Variants in SUGCT observed in about 807,000 individuals in gnomAD.
SUGCT encodes succinyl-CoA:glutarate CoA-transferase.
A neutral mutation model predicts 55.0 loss-of-function variants in SUGCT; 41 were observed. The observed-to-expected ratio is 0.74, with a 90% CI of 0.58 to 0.97. The LOEUF (loss-of-function observed/expected upper bound fraction) is 0.97. Among genes scored for constraint, SUGCT ranks in the 50% least tolerant of loss-of-function variants. SUGCT has a pLI of 0.00. For synonymous variants in SUGCT, 187 were observed against 200.4 expected, an observed-to-expected ratio of 0.93 and a Z score of 0.56; for missense variants, 568 against 547.8, an observed-to-expected ratio of 1.04 and a Z score of -0.37.
intron 12 of SUGCT, among the ~76,000 whole-genome samples, chr7:40,675,886 C>G (rs1293751549): frequency 6.6e-6 from 1 of 152,114 alleles, no homozygotes; most frequent in Non-Finnish European, 1.5e-5. Context: ...ATTCTTTGAA[C>G]AACAGTGGAG....
chr7:40,381,580 T>C lies in SUGCT; in HGVS notation c.816+64725T>C, dbSNP rs145546985. ...ACTATAAAATTCAGTAACTTCCTAATTGTAGTGAAAAGAGTTTTTCCTTGT... is the reference window on the plus strand; with the variant it reads ...ACTATAAAATTCAGTAACTTCCTAACTGTAGTGAAAAGAGTTTTTCCTTGT... On this transcript the variant is annotated intron_variant, in intron 9 of 13. Coordinates refer to ENST00000335693, the MANE Select transcript of SUGCT (RefSeq NM_001193313.2). 4.0e-3 allele frequency among the ~76,000 whole-genome samples: 613 copies of C among 152,306 alleles called. 2 individuals are homozygous for C. Among genetic ancestry groups the C allele is most frequent in the African/African-American group, 0.014 (588 of 41,582 alleles).
At chr7:40,237,855 T>C in intron 7 of SUGCT, 129 bp downstream of exon 7, 2 of 660,826 alleles carry the variant, frequency 3.0e-6, no homozygotes, top group South Asian at 2.4e-5. Context: ...GTTTTTGCCA[T>C]TGAAATTAAT....
chr7:40,295,471 G>A (rs967770625), intron 8 of SUGCT, among the ~76,000 whole-genome samples: 16 of 152,294 alleles, frequency 1.1e-4, no homozygotes, highest in African/African-American at 3.8e-4. Flanking sequence ...AGCTACTGGG[G>A]TAGCTGAGGC....
chr7:40,952,158 T>G, the SUGCT span, among the ~76,000 whole-genome samples: 1 of 152,178 alleles, frequency 6.6e-6, no homozygotes, highest in African/African-American at 2.4e-5. Flanking sequence ...GCATATATAT[T>G]TAGTATAGTT....
At chr7:40,859,900 C>T (rs1195210421) in intron 13 of SUGCT, among the ~76,000 whole-genome samples, 1 of 152,210 alleles carries the variant, frequency 6.6e-6, no homozygotes, top group East Asian at 1.9e-4. Flanking sequence ...ATTGAGTAGT[C>T]AGCTGCTGGG....
At chr7:41,023,692 G>A in the SUGCT span, among the ~76,000 whole-genome samples, 1 of 150,520 alleles carries the variant, frequency 6.6e-6, no homozygotes, top group African/African-American at 2.5e-5. Context: ...GTCACCCACT[G>A]CTGGGCAATG....
intron 7 of SUGCT, among the ~76,000 whole-genome samples, chr7:40,254,201 C>G (rs774883050): frequency 7.2e-5 from 11 of 152,174 alleles, no homozygotes; most frequent in Non-Finnish European, 1.5e-4. Context: ...AACCTCTTTT[C>G]TAAAACAGAG....
the SUGCT span, among the ~76,000 whole-genome samples, chr7:40,940,508 G>A: frequency 1.1e-4 from 17 of 152,088 alleles, no homozygotes; most frequent in South Asian, 6.2e-4. Flanking sequence ...CTTCCATACC[G>A]TGAGCATGGG....
chr7:41,001,816 G>T, the SUGCT span, among the ~76,000 whole-genome samples: 1 of 152,118 alleles, frequency 6.6e-6, no homozygotes, highest in South Asian at 2.1e-4. Context: ...ATTTTCGGAG[G>T]ACACAAACAT....
At chr7:40,302,162 C>T (rs1315446815) in intron 8 of SUGCT, among the ~76,000 whole-genome samples, 1 of 152,156 alleles carries the variant, frequency 6.6e-6, no homozygotes, top group Admixed American at 6.5e-5. Context: ...TTAGACTGTA[C>T]ACTCCCATCC....
rs17171733 is a variant in SUGCT, at chr7:40,567,247, C to A, written c.1089+70861C>A. On this transcript the variant is annotated intron_variant, in intron 12 of 13. Coordinates refer to ENST00000335693, the MANE Select transcript of SUGCT (RefSeq NM_001193313.2). Reference sequence around the variant, plus strand: ...TGAACCAGTGCTTAAAGCAGGTTTTCTTCAAGGCCTAAATTAACTCTTTCA... The same window carrying A: ...TGAACCAGTGCTTAAAGCAGGTTTTATTCAAGGCCTAAATTAACTCTTTCA... Among the ~76,000 whole-genome samples, 457 of 152,318 alleles carry A rather than the reference C, an allele frequency of 3.0e-3. 6 individuals carry two copies. The highest frequency in any genetic ancestry group is 0.029 in the East Asian group (152 of 5,186).
intron 13 of SUGCT, among the ~76,000 whole-genome samples, chr7:40,755,651 A>G (rs935083008): frequency 2.2e-4 from 34 of 152,176 alleles, no homozygotes; most frequent in African/African-American, 8.0e-4. Flanking sequence ...CCAAACTTCA[A>G]AGGATGTCAT....
chr7:40,427,378 G>A (rs1382414513), intron 9 of SUGCT, among the ~76,000 whole-genome samples: 1 of 152,138 alleles, frequency 6.6e-6, no homozygotes, highest in Non-Finnish European at 1.5e-5. Context: ...CTAAGTCAGT[G>A]GCAGTACTGG....
the SUGCT span, among the ~76,000 whole-genome samples, chr7:41,028,183 A>G: frequency 0.48 from 73,271 of 152,106 alleles, 17,874 homozygotes; most frequent in South Asian, 0.53. Context: ...CAGAGGGAAC[A>G]TGCATTACAG....
At chr7:40,422,757 A>T (rs1787380182) in intron 9 of SUGCT, among the ~76,000 whole-genome samples, 1 of 151,844 alleles carries the variant, frequency 6.6e-6, no homozygotes, top group Non-Finnish European at 1.5e-5. Context: ...CCATGTAATT[A>T]CTGTGATTTG....
At chr7:40,906,080 T>C in the SUGCT span, among the ~76,000 whole-genome samples, 1 of 152,184 alleles carries the variant, frequency 6.6e-6, no homozygotes, top group Non-Finnish European at 1.5e-5. Flanking sequence ...ATTCATACTG[T>C]TGTGCAACCA....
At chr7:41,028,828 G>T in the SUGCT span, among the ~76,000 whole-genome samples, 1 of 152,118 alleles carries the variant, frequency 6.6e-6, no homozygotes, top group South Asian at 2.1e-4. Context: ...TATAGTGCAT[G>T]CTATTTCACC....
chr7:40,318,580 G>A (rs1795556723), intron 9 of SUGCT, among the ~76,000 whole-genome samples: 1 of 152,172 alleles, frequency 6.6e-6, no homozygotes, highest in Non-Finnish European at 1.5e-5. Flanking sequence ...GGGACTACTG[G>A]CATGTGCCAC....
chr7:40,667,196 A>G (rs1801690967), intron 12 of SUGCT, among the ~76,000 whole-genome samples: 2 of 151,226 alleles, frequency 1.3e-5, no homozygotes, highest in Admixed American at 1.3e-4. Flanking sequence ...TTATGTGTCT[A>G]TTTAGTTGAT....
Sources: gnomAD v4.1 joint callset for allele counts (sites outside exome capture counted in the v4.1 genomes callset) on GRCh38, gnomAD v4.1.1 for gene constraint, MANE v1.5 for transcripts, NCBI Gene and HGNC (gene_info 2026-07-23, HGNC 2026-07-21) for gene names.